KCNH8: variants seen among roughly 807,000 people sequenced by gnomAD.
The protein encoded by KCNH8 is voltage-gated delayed rectifier potassium channel KCNH8.
KCNH8 carries 70 observed loss-of-function variants against 103.6 expected under a neutral mutation model. The observed-to-expected ratio is 0.68, with a 90% CI of 0.56 to 0.82. The LOEUF is 0.82. KCNH8 is among the 40% of genes least tolerant of loss of function. The pLI is 0.00. For missense variants in KCNH8, 1,217 were observed against 1,329.9 expected (o/e 0.92, Z 1.32); for synonymous variants, 498 against 489.4 (o/e 1.02, Z -0.23).
chr3:19,306,897 C>A (rs539492118), intron 3 of KCNH8, among the ~76,000 whole-genome samples: 1 of 151,898 alleles, frequency 6.6e-6, no homozygotes, highest in Admixed American at 6.6e-5. Flanking sequence ...GACACATAAA[C>A]CCCAAATAGC....
intron 3 of KCNH8, among the ~76,000 whole-genome samples, chr3:19,293,317 G>A (rs572881821): frequency 7.0e-6 from 1 of 142,474 alleles, no homozygotes; most frequent in East Asian, 2.4e-4. Context: ...AAGAAAGGTG[G>A]GCTTATCTCC....
chr3:19,526,642 C>T (rs571046073), intron 15 of KCNH8, among the ~76,000 whole-genome samples: 6 of 151,950 alleles, frequency 3.9e-5, no homozygotes, highest in South Asian at 2.1e-4. Context: ...TCACCAGTAT[C>T]GCAGATAGAT....
At chr3:19,375,086 G>A (rs1198850901) in intron 5 of KCNH8, among the ~76,000 whole-genome samples, 2 of 151,226 alleles carry the variant, frequency 1.3e-5, no homozygotes, top group South Asian at 4.2e-4. Context: ...TATGTGTCTT[G>A]GAGTTGCTCT....
intron 6 of KCNH8, chr3:19,391,602 T>C (rs1004364776): frequency 3.9e-5 from 6 of 152,088 alleles, no homozygotes; most frequent in Non-Finnish European, 5.9e-5. Flanking sequence ...AGAATGAATA[T>C]GGAATTGTGA....
At chr3:19,423,978 G>T (rs937041901) in intron 7 of KCNH8, among the ~76,000 whole-genome samples, 4 of 151,884 alleles carry the variant, frequency 2.6e-5, no homozygotes, top group Non-Finnish European at 4.4e-5. Flanking sequence ...GGCCATTTTT[G>T]CAGGAGTAAG....
intron 3 of KCNH8, among the ~76,000 whole-genome samples, chr3:19,294,789 T>G (rs1287874912): frequency 1.3e-5 from 2 of 152,152 alleles, no homozygotes; most frequent in Non-Finnish European, 2.9e-5. Flanking sequence ...TAGGCTGTGG[T>G]AAGTACTAGG....
chr3:19,282,225 C>T (rs1167456810), intron 3 of KCNH8, among the ~76,000 whole-genome samples: 2 of 152,056 alleles, frequency 1.3e-5, no homozygotes, highest in African/African-American at 4.8e-5. Context: ...TAGTTTGGTG[C>T]TCTCACTTCT....
chr3:19,273,560 C>T (rs2125268231), intron 2 of KCNH8, among the ~76,000 whole-genome samples: 1 of 152,296 alleles, frequency 6.6e-6, no homozygotes, highest in East Asian at 1.9e-4. Context: ...CTGCATCCTA[C>T]ACAGAGCTGC....
At chr3:19,265,287 A>G (rs994837091) in intron 2 of KCNH8, among the ~76,000 whole-genome samples, 8 of 152,108 alleles carry the variant, frequency 5.3e-5, no homozygotes, top group Admixed American at 5.2e-4. Context: ...ACACATTATC[A>G]GGAACAGCCA....
Position 19,162,889 on chromosome 3 carries a change from C to T in KCNH8, c.76+14094C>T, listed in dbSNP as rs548686629. ...AGTATATAATTCAGAATATTCGTAG[C>T]ATATCAAAATTTGGGGGAAAAGTAG... On this transcript the variant is annotated intron_variant, in intron 1 of 15. Transcript: ENST00000328405. Among the ~76,000 whole-genome samples the T allele has an allele frequency of 9.7e-4, 147 of 152,134 alleles. 1 individual carries two copies. Among genetic ancestry groups the T allele is most frequent in the African/African-American group, 2.9e-3 (120 of 41,520 alleles).
At chr3:19,401,443 A>G (rs535256994) in intron 7 of KCNH8, among the ~76,000 whole-genome samples, 1 of 152,206 alleles carries the variant, frequency 6.6e-6, no homozygotes, top group Admixed American at 6.6e-5. Context: ...GTTAACCTCA[A>G]TACTGAAGTA....
At chr3:19,467,279 T>G (rs1461737358) in intron 11 of KCNH8, among the ~76,000 whole-genome samples, 1 of 149,038 alleles carries the variant, frequency 6.7e-6, no homozygotes, top group South Asian at 2.1e-4. Context: ...TTGTCTCCTT[T>G]CGCAGATTCA....
intron 1 of KCNH8, among the ~76,000 whole-genome samples, chr3:19,155,436 C>T (rs1038235083): frequency 2.6e-5 from 4 of 152,178 alleles, no homozygotes; most frequent in African/African-American, 9.7e-5. Context: ...CCCTTCTACT[C>T]CCACTTGTTC....
intron 5 of KCNH8, among the ~76,000 whole-genome samples, chr3:19,377,226 C>T (rs79664706): frequency 0.011 from 1,603 of 152,248 alleles, 27 homozygotes; most frequent in African/African-American, 0.037. Context: ...AATGAAAAGA[C>T]GGTATTTTCT....
intron 7 of KCNH8, among the ~76,000 whole-genome samples, chr3:19,403,531 G>A (rs1462004190): frequency 6.6e-6 from 1 of 150,534 alleles, no homozygotes; most frequent in African/African-American, 2.4e-5. Flanking sequence ...ATAAGTCTAT[G>A]GGTACTGACT....
chr3:19,299,229 CA>C (rs1214157050), intron 3 of KCNH8, among the ~76,000 whole-genome samples: 2 of 152,138 alleles, frequency 1.3e-5, no homozygotes, highest in African/African-American at 4.8e-5. Flanking sequence ...CGCAATCTCA[CA>C]GTCGTTTAAG....
intron 1 of KCNH8, among the ~76,000 whole-genome samples, chr3:19,156,986 A>ATTTT (rs1559400830): frequency 1.2e-4 from 18 of 146,530 alleles, no homozygotes; most frequent in African/African-American, 4.9e-4. Context: ...TTTTTTTAAA[A>ATTTT]AAAAGGTTTT....
chr3:19,301,581 T>C (rs2065065245), intron 3 of KCNH8, among the ~76,000 whole-genome samples: 1 of 152,146 alleles, frequency 6.6e-6, no homozygotes, highest in African/African-American at 2.4e-5. Context: ...AATGTGTGTT[T>C]TTTCGACATC....
intron 7 of KCNH8, among the ~76,000 whole-genome samples, chr3:19,411,581 G>A (rs1459950592): frequency 6.6e-6 from 1 of 151,710 alleles, no homozygotes; most frequent in Non-Finnish European, 1.5e-5. Context: ...ACTCTCTTTT[G>A]GGGAGATATG....
Sources: gnomAD v4.1 joint callset for allele counts (sites outside exome capture counted in the v4.1 genomes callset) on GRCh38, gnomAD v4.1.1 for gene constraint, MANE v1.5 for transcripts, NCBI Gene and HGNC (gene_info 2026-07-23, HGNC 2026-07-21) for gene names.